Variants in SCAF11 observed in about 807,000 individuals in gnomAD.
The protein encoded by SCAF11 is SR-related CTD associated factor 11, also known as protein SCAF11.
Under a neutral mutation model 140.5 loss-of-function variants are expected in SCAF11, and 47 were observed. That is an observed-to-expected ratio of 0.33 (90% CI 0.26 to 0.43). The LOEUF (loss-of-function observed/expected upper bound fraction) is 0.43. SCAF11 is among the 20% of genes least tolerant of loss of function. The pLI is 1.00. For synonymous variants in SCAF11, 557 were observed against 579.4 expected, an observed-to-expected ratio of 0.96 and a Z score of 0.55; for missense variants, 1,645 against 1,705.1, an observed-to-expected ratio of 0.96 and a Z score of 0.62.
At chr12:45,930,214 ACTT>A (rs1466255829) in intron 10 of SCAF11, among the ~76,000 whole-genome samples, 4 of 152,192 alleles carry the variant, frequency 2.6e-5, no homozygotes, top group Admixed American at 1.3e-4. Flanking sequence ...AAGGAATTAA[ACTT>A]CTTCTTATAA....
intron 1 of SCAF11, among the ~76,000 whole-genome samples, chr12:45,976,742 T>C (rs900629582): frequency 5.3e-5 from 8 of 152,096 alleles, no homozygotes; most frequent in African/African-American, 1.9e-4. Context: ...ATTAAATTTC[T>C]TCTATCAGAA....
At chr12:45,983,672 T>A (rs990051604) in intron 1 of SCAF11, among the ~76,000 whole-genome samples, 16 of 151,150 alleles carry the variant, frequency 1.1e-4, no homozygotes, top group African/African-American at 3.6e-4. Flanking sequence ...AGATCACCTA[T>A]AAAAGGTGAC....
chr12:45,945,631 G>C (rs1371525514), intron 5 of SCAF11, among the ~76,000 whole-genome samples: 1 of 151,054 alleles, frequency 6.6e-6, no homozygotes, highest in Non-Finnish European at 1.5e-5. Flanking sequence ...TGACCTCCTG[G>C]GCAGAAGCAA....
intron 1 of SCAF11, among the ~76,000 whole-genome samples, chr12:45,985,940 A>C (rs184494580): frequency 5.9e-4 from 90 of 152,110 alleles, no homozygotes; most frequent in Middle Eastern, 3.4e-3. Flanking sequence ...CTTGACTTCT[A>C]TCTCCTTGTA....
At position 45,922,508 on chromosome 12, in the gene SCAF11, G is replaced by A. The variant is rs758061040; in HGVS notation, c.4200C>T (p.Ile1400=). 5.0e-6 allele frequency: 8 copies of A among 1,601,844 alleles called. No individual in the cohort carries two copies. The highest frequency in any genetic ancestry group is 3.4e-5 in the South Asian group (3 of 87,596). The part of the protein sequence containing the change: ...AIKPFYQNKD[I]TKEEYKEIVR... ...CAATTTCTTTATATTCTTCCTTGGT[G>A]ATATCTTTATTTTGGTAAAATGGCT... The change falls in exon 14 of 15, where the codon ATC becomes ATT. Residue 1400 remains isoleucine (I), a synonymous_variant. Coordinates refer to ENST00000369367, the MANE Select transcript of SCAF11 (RefSeq NM_004719.3).
rs1161522670 is a variant in SCAF11, at chr12:45,926,894, C to T, written c.2807G>A (p.Arg936Lys). Residue 936 changes from arginine to lysine, a missense_variant, in exon 11 of 15, where the codon AGA becomes AAA. Coordinates refer to ENST00000369367, the MANE Select transcript of SCAF11 (RefSeq NM_004719.3). ...TCTTGAGGGGGACCTAGAATGAGATCTGGACCTAGACCACTTTCTGGTTCT... is the reference window on the plus strand; with the variant it reads ...TCTTGAGGGGGACCTAGAATGAGATTTGGACCTAGACCACTTTCTGGTTCT... ...ERRTRKWSRS[R>K]SHSRSPSRCR... is the part of the protein sequence containing the mutation. The T allele has an allele frequency of 6.2e-7, 1 of 1,613,570 alleles. No individual in the cohort carries two copies. Among genetic ancestry groups the T allele is most frequent in the Admixed American group, 1.7e-5 (1 of 60,000 alleles).
upstream of SCAF11, chr12:45,990,590 T>G: frequency 8.1e-7 from 1 of 1,229,576 alleles, no homozygotes; most frequent in Non-Finnish European, 1.0e-6. Flanking sequence ...TCCCCCGCCT[T>G]GTCTAGCCTC....
At chr12:45,990,288 C>T in intron 1 of SCAF11, 65 bp downstream of exon 1, 2 of 1,231,156 alleles carry the variant, frequency 1.6e-6, no homozygotes, top group Non-Finnish European at 2.0e-6. Context: ...GCGCCGGCCG[C>T]TAACCCTCGT....
chr12:45,989,753 G>C (rs1946544837), intron 1 of SCAF11, among the ~76,000 whole-genome samples: 1 of 152,184 alleles, frequency 6.6e-6, no homozygotes. Flanking sequence ...TCAGATCAAG[G>C]AGTGAAAAAG....
Position 45,965,117 on chromosome 12 carries a change from G to A in SCAF11, c.-21-929C>T, listed in dbSNP as rs181226333. ...ATAGATGGATCGCTAATGATTGACT[G>A]AGAACCTTAGATTCAATCTTACAAA... On this transcript the variant is annotated intron_variant, in intron 1 of 14. Transcript: ENST00000369367. Among the ~76,000 whole-genome samples, 428 of 152,262 alleles carry A rather than the reference G, an allele frequency of 2.8e-3. 2 individuals are homozygous for A. The highest frequency in any genetic ancestry group is 3.4e-3 in the Middle Eastern group (1 of 294).
intron 1 of SCAF11, among the ~76,000 whole-genome samples, chr12:45,977,001 G>GTTT (rs1257151424): frequency 6.6e-6 from 1 of 152,010 alleles, no homozygotes; most frequent in African/African-American, 2.4e-5. Context: ...TGAATTTGTA[G>GTTT]TTAAAAGCCT....
chr12:45,953,170 T>C (rs1945590662), intron 3 of SCAF11, among the ~76,000 whole-genome samples: 3 of 152,198 alleles, frequency 2.0e-5, no homozygotes, highest in Admixed American at 6.5e-5. Flanking sequence ...TTAAGTACTA[T>C]GGATTTAGGA....
intron 6 of SCAF11, among the ~76,000 whole-genome samples, chr12:45,936,287 G>A (rs1041668677): frequency 2.6e-5 from 4 of 151,756 alleles, no homozygotes; most frequent in South Asian, 2.1e-4. Flanking sequence ...GACTACAGGC[G>A]CACACCACCA....
At chr12:45,940,860 T>C (rs1565670026) in intron 6 of SCAF11, among the ~76,000 whole-genome samples, 1 of 152,208 alleles carries the variant, frequency 6.6e-6, no homozygotes, top group African/African-American at 2.4e-5. Flanking sequence ...TGGAGTGCAG[T>C]GGCATGATCA....
Position 45,926,361 on chromosome 12 carries a change from A to T in SCAF11, c.3340T>A (p.Ser1114Thr). ...SGNSNSSGSESFKFVEQQSYK... is the reference protein window; with the variant it reads ...SGNSNSSGSETFKFVEQQSYK... ...GATTGCTGTTCCACAAACTTGAAAG[A>T]TTCACTCCCTGAACTGTTTGAATTC... is the stretch of plus-strand genomic sequence containing the variant. The change falls in exon 11 of 15, where the codon TCT (serine) becomes ACT (threonine). Residue 1114 changes from serine to threonine, a missense_variant. Ser to Thr is a moderately conservative substitution (Grantham distance 58). Around this residue, in one of 2 missense-constraint regions of SCAF11, gnomAD observed 1,582 missense variants for 1,609.2 expected, o/e 0.98. Coordinates refer to ENST00000369367, the MANE Select transcript of SCAF11 (RefSeq NM_004719.3). 1.2e-6 allele frequency: 2 copies of T among 1,614,144 alleles called. No individual in the cohort carries two copies. The highest frequency in any genetic ancestry group is 2.2e-5 in the South Asian group (2 of 91,082).
chr12:45,988,934 G>T (rs1054621342), intron 1 of SCAF11, among the ~76,000 whole-genome samples: 1 of 152,124 alleles, frequency 6.6e-6, no homozygotes, highest in African/African-American at 2.4e-5. Context: ...TATCCGATAG[G>T]ATAATATAAA....
intron 8 of SCAF11, among the ~76,000 whole-genome samples, chr12:45,933,439 ATT>A (rs1167695528): frequency 6.6e-6 from 1 of 152,128 alleles, no homozygotes; most frequent in Non-Finnish European, 1.5e-5. Context: ...TCAGAGTTGT[ATT>A]TATATGATTG....
At chr12:45,953,690 T>A (rs886453281) in intron 3 of SCAF11, 17 of 158,936 alleles carry the variant, frequency 1.1e-4, no homozygotes, top group African/African-American at 3.8e-4. Context: ...TGAAAATTTG[T>A]TTTTTCGTAA....
chr12:45,927,761 G>C lies in SCAF11; in HGVS notation c.1940C>G (p.Ala647Gly). The change falls in exon 11 of 15, where the codon GCA becomes GGA. Residue 647 changes from alanine to glycine, a missense_variant. By Grantham distance (60) the Ala-to-Gly change is moderately conservative. Around this residue, in one of 2 missense-constraint regions of SCAF11, gnomAD observed 1,582 missense variants for 1,609.2 expected, o/e 0.98. Coordinates refer to ENST00000369367, the MANE Select transcript of SCAF11 (RefSeq NM_004719.3). ...TTCATTCCCAAAAGTATCACATGTT[G>C]CAATTATTTCTACATCTTCAGTTTC... ...HVETEDVEII[A>G]TCDTFGNEDF... 3 of 1,612,704 alleles carry C rather than the reference G, an allele frequency of 1.9e-6. No homozygotes were observed. Among genetic ancestry groups the C allele is most frequent in the Non-Finnish European group, 2.5e-6 (3 of 1,179,342 alleles).
Sources: allele counts gnomAD v4.1 joint callset (sites outside exome capture counted in the v4.1 genomes callset), GRCh38; gene constraint gnomAD v4.1.1; regional missense constraint gnomAD v4.1.1; transcripts MANE v1.5; gene names NCBI Gene and HGNC (gene_info 2026-07-23, HGNC 2026-07-21).